The following RERE variants were observed in gnomAD, a reference collection of about 807,000 sequenced individuals.
RERE encodes arginine-glutamic acid dipeptide repeats protein.
Under a neutral mutation model 146.1 loss-of-function variants are expected in RERE, and 40 were observed. The observed-to-expected ratio is 0.27, with a 90% CI of 0.21 to 0.36. The LOEUF (loss-of-function observed/expected upper bound fraction) is 0.36. Ranked by LOEUF, RERE falls within the 10% of genes least tolerant of loss-of-function variation. RERE has a pLI of 1.00. For synonymous variants in RERE, 1,003 were observed against 866.0 expected (o/e 1.16, Z -2.78); for missense variants, 1,933 against 2,138.7 (o/e 0.90, Z 1.90).
chr1:8,526,567 T>G (rs548312828), intron 7 of RERE, among the ~76,000 whole-genome samples: 1 of 152,010 alleles, frequency 6.6e-6, no homozygotes, highest in East Asian at 1.9e-4. Context: ...GATGGTATTG[T>G]GAGCAGGGTA....
chr1:8,759,828 A>ACT lies in RERE; in HGVS notation c.-145+57330_-145+57331dup, dbSNP rs140265631. ...AATATACGTATAACTCTAAATTCTT[A>ACT]CTCTCTCTATACACACACACACACA... On this transcript the variant is annotated intron_variant, in intron 1 of 22. Coordinates refer to ENST00000400908, the MANE Select transcript of RERE (RefSeq NM_001042681.2). Among the ~76,000 whole-genome samples the ACT allele has an allele frequency of 3.8e-3, 506 of 133,678 alleles. 5 individuals carry two copies. The highest frequency in any genetic ancestry group is 0.013 in the African/African-American group (458 of 34,154). The allele number at this position is 133,678 out of a possible 152,430, so 87.7% of individuals were successfully genotyped here. A position where few individuals can be genotyped will look rare whatever the true frequency, so the allele number is the denominator to read the frequency against.
intron 12 of RERE, among the ~76,000 whole-genome samples, chr1:8,417,874 C>A (rs1233806953): frequency 2.6e-5 from 4 of 152,200 alleles, no homozygotes; most frequent in Non-Finnish European, 4.4e-5. Flanking sequence ...TTTCCTGTCT[C>A]CGTGCCTTTG....
chr1:8,392,862 G>T (rs1489461969), intron 12 of RERE, among the ~76,000 whole-genome samples: 1 of 152,178 alleles, frequency 6.6e-6, no homozygotes, highest in Non-Finnish European at 1.5e-5. Flanking sequence ...CAAAGCAAGC[G>T]ATACAGAGTG....
chr1:8,676,656 C>G (rs933942838), intron 1 of RERE, among the ~76,000 whole-genome samples: 1 of 152,166 alleles, frequency 6.6e-6, no homozygotes, highest in East Asian at 1.9e-4. Flanking sequence ...CTCAATGAGC[C>G]CTCATCACAA....
chr1:8,784,487 G>C (rs775796891), intron 1 of RERE, among the ~76,000 whole-genome samples: 2 of 151,904 alleles, frequency 1.3e-5, no homozygotes, highest in Non-Finnish European at 1.5e-5. Context: ...TTGTTCACTG[G>C]TGTATTCTAA....
In RERE at chr1:8,634,455, G is replaced by A. The variant is rs1013929115; in HGVS notation, c.326-10075C>T. Among the ~76,000 whole-genome samples the A allele has an allele frequency of 2.0e-5, 3 of 152,312 alleles. No individual in the cohort carries two copies. In the East Asian group the frequency reaches 5.8e-4, roughly 29 times the overall value. ...TGTGCTCTTGTTTTATTGGCTGATTGTTAAAATGCTACTAATACTATAGCT... is the reference window on the plus strand; with the variant it reads ...TGTGCTCTTGTTTTATTGGCTGATTATTAAAATGCTACTAATACTATAGCT... On this transcript the variant is annotated intron_variant, in intron 2 of 22. Transcript: ENST00000400908.
At chr1:8,578,960 C>T (rs561124605) in intron 4 of RERE, among the ~76,000 whole-genome samples, 10 of 152,252 alleles carry the variant, frequency 6.6e-5, no homozygotes, top group African/African-American at 2.4e-4. Flanking sequence ...TAGGCACATG[C>T]CCCACAGAAA....
chr1:8,562,507 G>A (rs1321598351), intron 4 of RERE, among the ~76,000 whole-genome samples: 1 of 151,664 alleles, frequency 6.6e-6, no homozygotes, highest in Non-Finnish European at 1.5e-5. Flanking sequence ...TGTTTGTTTA[G>A]AGACAAGGTC....
intron 1 of RERE, among the ~76,000 whole-genome samples, chr1:8,714,851 G>C (rs1569615675): frequency 6.6e-6 from 1 of 152,048 alleles, no homozygotes; most frequent in East Asian, 1.9e-4. Context: ...GAAAGAAGTT[G>C]TACAAGAAAT....
At chr1:8,641,685 T>C (rs548120189) in intron 2 of RERE, among the ~76,000 whole-genome samples, 1 of 152,358 alleles carries the variant, frequency 6.6e-6, no homozygotes, top group African/African-American at 2.4e-5. Flanking sequence ...TTCTGAAGGC[T>C]GTCAGCTTGC....
intron 4 of RERE, among the ~76,000 whole-genome samples, chr1:8,565,751 T>C (rs1369616002): frequency 6.6e-6 from 1 of 152,006 alleles, no homozygotes; most frequent in Non-Finnish European, 1.5e-5. Context: ...ATTTTACATA[T>C]CTATATATAT....
In RERE at chr1:8,583,174, A is replaced by G. The variant is rs981623223; in HGVS notation, c.523-25651T>C. On this transcript the variant is annotated intron_variant, in intron 4 of 22. Transcript: ENST00000400908. ...GGTTCAATAAAAACTAACATACTAG[A>G]AGTACTAGAAGGATGGTAGCATTGG... Among the ~76,000 whole-genome samples the G allele has an allele frequency of 2.6e-5, 4 of 152,166 alleles. No individual in the cohort carries two copies. The East Asian group carries it at 7.7e-4, about 29-fold the overall frequency.
At chr1:8,648,979 A>C (rs1273202403) in intron 2 of RERE, among the ~76,000 whole-genome samples, 1 of 152,060 alleles carries the variant, frequency 6.6e-6, no homozygotes, top group Admixed American at 6.6e-5. Context: ...AATAAAAAAA[A>C]AAATCTCACA....
intron 7 of RERE, among the ~76,000 whole-genome samples, chr1:8,531,209 C>G (rs957880115): frequency 6.6e-6 from 1 of 151,980 alleles, no homozygotes; most frequent in African/African-American, 2.4e-5. Context: ...AATGAGAGGC[C>G]GAAGTGGTGG....
chr1:8,360,999 A>G lies in RERE; in HGVS notation c.2508T>C (p.Pro836=). The change falls in exon 18 of 23, where the codon CCT becomes CCC. Residue 836 remains proline (P), a synonymous_variant. Transcript: ENST00000400908. ...GGGGCTGGGCATGAGAGGGTGCAGA[A>G]GGCTGGCCCGCCGACCCAGTCAGAG... ...LQPLTGSAGQ[P]SAPSHAQPPL... 7.0e-7 allele frequency: 1 copy of G among 1,435,684 alleles called. No individual in the cohort carries two copies. The highest frequency in any genetic ancestry group is 9.1e-7 in the Non-Finnish European group (1 of 1,101,152). The allele number at this position is 1,435,684 out of a possible 1,614,324, so 88.9% of individuals were successfully genotyped here.
At chr1:8,715,834 T>C (rs1639753458) in intron 1 of RERE, among the ~76,000 whole-genome samples, 1 of 150,088 alleles carries the variant, frequency 6.7e-6, no homozygotes. Context: ...GCCCAGAAAG[T>C]AGAAGTTGCA....
chr1:8,667,799 T>C lies in RERE; in HGVS notation c.-144-11358A>G, dbSNP rs565086391. ...CAGTTAGCTTGTACACTGCCAACAG[T>C]TGTGTCTCTTCTACTCAGCAGGTTA... On this transcript the variant is annotated intron_variant, in intron 1 of 22. Coordinates refer to ENST00000400908, the MANE Select transcript of RERE (RefSeq NM_001042681.2). Among the ~76,000 whole-genome samples, 5 of 152,344 alleles carry C rather than the reference T, an allele frequency of 3.3e-5. No homozygotes were observed. The East Asian group carries it at 7.7e-4, about 24-fold the overall frequency.
In RERE at chr1:8,360,184, G is replaced by T. The variant is rs916851511; in HGVS notation, c.3323C>A (p.Pro1108His). The T allele has an allele frequency of 1.3e-6, 2 of 1,598,310 alleles. No individual in the cohort carries two copies. The highest frequency in any genetic ancestry group is 1.7e-6 in the Non-Finnish European group (2 of 1,173,254). Residue 1108 changes from proline (P) to histidine (H), a missense_variant, in exon 18 of 23, where the codon CCT becomes CAT. Pro to His is a moderately conservative substitution (Grantham distance 77). This residue lies in a region of RERE where 1,255 missense variants were observed against 1,153.8 expected (regional missense o/e 1.09). Coordinates refer to ENST00000400908, the MANE Select transcript of RERE (RefSeq NM_001042681.2). ...CGGGGACGGGCTCCTTGGTGGGGGA[G>T]GGGGGCTCTCAGGCTCCTCAGCGTC... The part of the protein sequence containing the change: ...LDDAEEPESP[P>H]PPPRSPSPEP...
At chr1:8,755,159 T>C (rs1274698664) in intron 1 of RERE, among the ~76,000 whole-genome samples, 1 of 152,220 alleles carries the variant, frequency 6.6e-6, no homozygotes, top group Non-Finnish European at 1.5e-5. Flanking sequence ...GTAACAGACA[T>C]AAAAGGCGGC....
Sources: gnomAD v4.1 joint callset for allele counts (sites outside exome capture counted in the v4.1 genomes callset) on GRCh38, gnomAD v4.1.1 for gene constraint, gnomAD v4.1.1 regional missense constraint, MANE v1.5 for transcripts, NCBI Gene and HGNC (gene_info 2026-07-23, HGNC 2026-07-21) for gene names.